The following AKAP11 variants were observed in gnomAD, a reference collection of about 807,000 sequenced individuals.
The protein encoded by AKAP11 is A-kinase anchoring protein 11.
Under a neutral mutation model 146.1 loss-of-function variants are expected in AKAP11, and 36 were observed. That is an observed-to-expected ratio of 0.25 (90% confidence interval 0.19 to 0.33). The LOEUF is 0.33. Among genes scored for constraint, AKAP11 ranks in the 10% least tolerant of loss-of-function variants. AKAP11 has a pLI of 1.00. For missense variants in AKAP11, 2,201 were observed against 2,197.0 expected, an observed-to-expected ratio of 1.00 and a Z score of -0.04; for synonymous variants, 780 against 786.5, an observed-to-expected ratio of 0.99 and a Z score of 0.14.
rs1458979074 is a variant in AKAP11 at position 42,272,234 on chromosome 13, C to G, written c.-100+6C>G. 6.6e-6 allele frequency: 1 copy of G among 152,644 alleles called. No homozygotes were observed. Among genetic ancestry groups the G allele is most frequent in the East Asian group, 1.9e-4 (1 of 5,174 alleles). The allele number at this position is 152,644 out of a possible 1,614,324, so 9.5% of individuals were successfully genotyped here. A position where few individuals can be genotyped will look rare whatever the true frequency, so the allele number is the denominator to read the frequency against. On this transcript the variant is annotated splice_donor_region_variant and intron_variant, in intron 1 of 12. Coordinates refer to ENST00000025301, the MANE Select transcript of AKAP11 (RefSeq NM_016248.4). ...GCGGAGGCTGCGGCCCCCAGGTGAG[C>G]CGGGCGCCGACGTGCTCGCCGCGGA...
intron 12 of AKAP11, among the ~76,000 whole-genome samples, 172 bp downstream of exon 12, chr13:42,317,860 G>A (rs1960896080): frequency 6.6e-6 from 1 of 152,128 alleles, no homozygotes; most frequent in African/African-American, 2.4e-5. Flanking sequence ...ACCAGAGGCA[G>A]GTTCACCAGT....
chr13:42,311,618 A>G (rs1960568804), intron 9 of AKAP11, among the ~76,000 whole-genome samples: 2 of 152,096 alleles, frequency 1.3e-5, no homozygotes, highest in South Asian at 2.1e-4. Context: ...TGTTTATGTA[A>G]TAGGTAGGTG....
chr13:42,277,911 T>C (rs1316705167), intron 1 of AKAP11, among the ~76,000 whole-genome samples: 4 of 152,228 alleles, frequency 2.6e-5, no homozygotes, highest in Non-Finnish European at 5.9e-5. Context: ...CATAGACATG[T>C]AGACATTTAA....
chr13:42,288,413 A>G (rs1959182087), intron 3 of AKAP11, among the ~76,000 whole-genome samples: 1 of 152,208 alleles, frequency 6.6e-6, no homozygotes, highest in African/African-American at 2.4e-5. Flanking sequence ...GTGTCTGTGT[A>G]TGTGTGTATT....
Position 42,299,450 on chromosome 13 carries a change from T to C in AKAP11, c.704T>C (p.Ile235Thr), listed in dbSNP as rs148242116. 1.2e-6 allele frequency: 2 copies of C among 1,613,840 alleles called. No homozygotes were observed. Among genetic ancestry groups the C allele is most frequent in the African/African-American group, 2.7e-5 (2 of 75,016 alleles). Residue 235 changes from isoleucine to threonine, a missense_variant, in exon 8 of 13, where the codon ATT (isoleucine) becomes ACT (threonine). Ile to Thr is a moderately conservative substitution (Grantham distance 89, BLOSUM62 -1). Coordinates refer to ENST00000025301, the MANE Select transcript of AKAP11 (RefSeq NM_016248.4). ...GHHLETHDLK[I>T]LISSGQQKSL... ...CATTTAGAAACCCATGATTTAAAGA[T>C]TCTCATTAGCTCTGGACAGCAGAAG...
At chr13:42,292,708 CAATG>C (rs1029246237) in intron 4 of AKAP11, among the ~76,000 whole-genome samples, 6 of 152,102 alleles carry the variant, frequency 3.9e-5, no homozygotes, top group African/African-American at 2.4e-5. Context: ...TCTTAATTGA[CAATG>C]AACTCAAACA....
At chr13:42,316,942 A>T (rs936281197) in intron 11 of AKAP11, among the ~76,000 whole-genome samples, 3 of 152,052 alleles carry the variant, frequency 2.0e-5, no homozygotes, top group Non-Finnish European at 4.4e-5. Flanking sequence ...GGGTGGTGCA[A>T]TCTCGGATCA....
At position 42,319,112 on chromosome 13, in the gene AKAP11, G is replaced by A; in HGVS notation, c.5590G>A (p.Gly1864Arg). The change falls in exon 13 of 13, where the codon GGA becomes AGA. Residue 1864 changes from glycine (G) to arginine (R), a missense_variant. This residue lies in a region of AKAP11 where 1,867 missense variants were observed against 1,833.5 expected (regional missense o/e 1.02). Transcript: ENST00000025301. ...MLLSKQLQEK[G>R]WKVGDLLQAV... Reference sequence around the variant, plus strand: ...GCTTTCAAAACAATTACAAGAGAAAGGATGGAAAGTGGGAGACCTCCTGCA... The same window carrying A: ...GCTTTCAAAACAATTACAAGAGAAAAGATGGAAAGTGGGAGACCTCCTGCA... 2.5e-6 allele frequency: 4 copies of A among 1,613,882 alleles called. No homozygotes were observed. Among genetic ancestry groups the A allele is most frequent in the South Asian group, 1.1e-5 (1 of 91,028 alleles).
At chr13:42,297,668 A>G (rs905354937) in intron 6 of AKAP11, among the ~76,000 whole-genome samples, 1 of 152,042 alleles carries the variant, frequency 6.6e-6, no homozygotes, top group Non-Finnish European at 1.5e-5. Flanking sequence ...GGTTAGTTTT[A>G]TAATATTCAG....
At chr13:42,277,717 C>T (rs924827417) in intron 1 of AKAP11, among the ~76,000 whole-genome samples, 3 of 152,154 alleles carry the variant, frequency 2.0e-5, no homozygotes, top group African/African-American at 4.8e-5. Context: ...TTCTCTTCAC[C>T]GTACAGCTCG....
Position 42,286,305 on chromosome 13 carries a change from T to G in AKAP11, c.-44T>G, listed in dbSNP as rs374378036. The G allele has an allele frequency of 2.9e-6, 4 of 1,363,710 alleles. No homozygotes were observed. The African/African-American group carries it at 5.9e-5, about 20-fold the overall frequency. 84.5% of individuals were successfully genotyped at this position (1,363,710 alleles called of 1,614,324 possible). ...TTTTAATATGTTTTCTTTAGGTGTTTTGTGGATTAACTCTTCATTGATTAT... is the reference window on the plus strand; with the variant it reads ...TTTTAATATGTTTTCTTTAGGTGTTGTGTGGATTAACTCTTCATTGATTAT... On this transcript the variant is annotated 5_prime_UTR_variant, in exon 3 of 13. Transcript: ENST00000025301.
chr13:42,290,975 A>C (rs1403237618), intron 3 of AKAP11, among the ~76,000 whole-genome samples: 2 of 152,158 alleles, frequency 1.3e-5, no homozygotes, highest in African/African-American at 4.8e-5. Context: ...AAGACTTTTC[A>C]GTGGAAAAAA....
Position 42,319,389 on chromosome 13 carries a change from A to G in AKAP11, c.*161A>G. ...AGCGCTTTGTGTTATCACTCGGTGT[A>G]TATAGTTCATACTTTTGTAATCTGT... On this transcript the variant is annotated 3_prime_UTR_variant, in exon 13 of 13. Coordinates refer to ENST00000025301, the MANE Select transcript of AKAP11 (RefSeq NM_016248.4). 2.3e-6 allele frequency: 2 copies of G among 859,554 alleles called. No homozygotes were observed. Among genetic ancestry groups the G allele is most frequent in the Non-Finnish European group, 3.5e-6 (2 of 578,062 alleles). The allele number at this position is 859,554 out of a possible 1,614,324, so 53.2% of individuals were successfully genotyped here.
intron 3 of AKAP11, 53 bp from the exon 4 acceptor site, chr13:42,292,332 C>T (rs1273970519): frequency 8.6e-7 from 1 of 1,157,800 alleles, no homozygotes. Context: ...ATCTCTTACC[C>T]TTGTCTTAGA....
intron 9 of AKAP11, among the ~76,000 whole-genome samples, chr13:42,310,545 T>G (rs1037776688): frequency 6.6e-6 from 1 of 152,094 alleles, no homozygotes; most frequent in Middle Eastern, 3.4e-3. Context: ...GAGATCAAGG[T>G]AGGAGATAAA....
rs376774575 is a variant in AKAP11, at chr13:42,301,135, A to G, written c.2389A>G (p.Thr797Ala). 6.2e-7 allele frequency: 1 copy of G among 1,614,070 alleles called. No individual in the cohort carries two copies. The highest frequency in any genetic ancestry group is 2.2e-5 in the East Asian group (1 of 44,874). Residue 797 changes from threonine to alanine, a missense_variant, in exon 8 of 13, where the codon ACT becomes GCT. Physicochemically the swap from Thr to Ala is moderately conservative, Grantham distance 58. Coordinates refer to ENST00000025301, the MANE Select transcript of AKAP11 (RefSeq NM_016248.4). ...CCTTCTCCCATATCATATTTCATCT[A>G]CTGCATGTCAGGCCAAGGCTCATCT... ...SALLPYHISSTACQAKAHLSS... is the reference protein window; with the variant it reads ...SALLPYHISSAACQAKAHLSS...
chr13:42,281,807 A>T (rs370879002), intron 1 of AKAP11, among the ~76,000 whole-genome samples: 11 of 152,210 alleles, frequency 7.2e-5, no homozygotes, highest in South Asian at 4.1e-4. Context: ...TTACTTAATG[A>T]TCTACCATCT....
intron 3 of AKAP11, among the ~76,000 whole-genome samples, chr13:42,290,416 CTT>C (rs1959196901): frequency 6.6e-6 from 1 of 152,160 alleles, no homozygotes; most frequent in Admixed American, 6.5e-5. Flanking sequence ...CACATAATCT[CTT>C]TATGATTAAT....
rs555876227 is a variant in AKAP11 at position 42,308,477 on chromosome 13, A to T, written c.5141A>T (p.Gln1714Leu). ...VSSSKEIEDF[Q>L]STESVSSQQM... ...AGTTCAAAAGAAATAGAAGACTTTC[A>T]GTCAACCGAGTCTGTCAGTAGCCAG... The change falls in exon 9 of 13, where the codon CAG (glutamine) becomes CTG (leucine). Residue 1714 changes from glutamine to leucine, a missense_variant. This residue lies in a region of AKAP11 where 1,867 missense variants were observed against 1,833.5 expected (regional missense o/e 1.02). Coordinates refer to ENST00000025301, the MANE Select transcript of AKAP11 (RefSeq NM_016248.4). 6 of 1,596,602 alleles carry T rather than the reference A, an allele frequency of 3.8e-6. No individual in the cohort carries two copies. The highest frequency in any genetic ancestry group is 4.5e-5 in the East Asian group (2 of 44,724).
Sources: gnomAD v4.1 joint callset for allele counts (sites outside exome capture counted in the v4.1 genomes callset) on GRCh38, gnomAD v4.1.1 for gene constraint, gnomAD v4.1.1 regional missense constraint, MANE v1.5 for transcripts, NCBI Gene and HGNC (gene_info 2026-07-23, HGNC 2026-07-21) for gene names.